The following PEX10 variants were observed in gnomAD, a reference collection of about 807,000 sequenced individuals.
PEX10 encodes the protein peroxisome biogenesis factor 10.
PEX10 carries 32 observed loss-of-function variants against 38.0 expected under a neutral mutation model. The ratio of observed to expected loss-of-function variants is 0.84; its 90% confidence interval spans 0.63 to 1.13. The LOEUF (loss-of-function observed/expected upper bound fraction) is 1.13, where lower values mean the gene tolerates loss of function less well. PEX10 is among the 50% of genes most tolerant of loss of function. PEX10 has a pLI of 0.00. For missense variants in PEX10, 483 were observed against 457.7 expected (o/e 1.06, Z -0.51); for synonymous variants, 206 against 207.3 (o/e 0.99, Z 0.05).
chr1:2,410,630 C>T lies in PEX10; in HGVS notation c.113-179G>A. 1 of 660,828 alleles carries T rather than the reference C, an allele frequency of 1.5e-6. No homozygotes were observed. The allele number at this position is 660,828 out of a possible 1,614,324, so 40.9% of individuals were successfully genotyped here. ...CTCCGGAGGCACCACCTTGACTTGC[C>T]TTAGCGTGAGCTGCAGACAGTCTGC... On this transcript the variant is annotated intron_variant, in intron 1 of 5. Transcript: ENST00000447513. The surrounding 1 kb of genome is among the most constrained non-coding windows in gnomAD (Gnocchi z 5.1).
At chr1:2,413,728 GA>G (rs1323323141), upstream of PEX10, 1 of 152,386 alleles carries the variant, frequency 6.6e-6, no homozygotes, top group Non-Finnish European at 1.5e-5. Context: ...GCGCCCCGCT[GA>G]CCTCAGTGGG....
Position 2,404,656 on chromosome 1 carries a change from A to C in PEX10, c.*1110T>G, listed in dbSNP as rs1215347336. On this transcript the variant is annotated 3_prime_UTR_variant, in exon 6 of 6. Coordinates refer to ENST00000447513, the MANE Select transcript of PEX10 (RefSeq NM_002617.4). Reference sequence around the variant, plus strand: ...ACAGGGTCATCCTCATTCCTAAGTAAGTCAAACAGCAAGACATGGTTTGCG... The same window carrying C: ...ACAGGGTCATCCTCATTCCTAAGTACGTCAAACAGCAAGACATGGTTTGCG... 6.6e-6 allele frequency: 1 copy of C among 152,252 alleles called. No homozygotes were observed. The highest frequency in any genetic ancestry group is 2.4e-5 in the African/African-American group (1 of 41,450). 9.4% of individuals were successfully genotyped at this position (152,252 alleles called of 1,614,324 possible).
At chr1:2,411,299 G>T (rs1643200826) in intron 1 of PEX10, among the ~76,000 whole-genome samples, 1 of 139,118 alleles carries the variant, frequency 7.2e-6, no homozygotes, top group African/African-American at 2.8e-5. Context: ...GCAGTGGCAC[G>T]ATCTTGGCTT....
upstream of PEX10, among the ~76,000 whole-genome samples, chr1:2,412,870 C>T (rs1643315901): frequency 6.6e-6 from 1 of 152,166 alleles, no homozygotes; most frequent in Admixed American, 6.5e-5. Context: ...TGCCAGGGGC[C>T]CCTGCTCTGC....
Position 2,408,436 on chromosome 1 carries a change from A to G in PEX10, c.600+16T>C, listed in dbSNP as rs1210581709. The G allele has an allele frequency of 1.2e-6, 2 of 1,612,616 alleles. No homozygotes were observed. Among genetic ancestry groups the G allele is most frequent in the Admixed American group, 1.7e-5 (1 of 60,020 alleles). ...GGACGGCCTAAGCAGCTGTGCCCTC[A>G]GCGCCTGCTACTTACGTACGTGATC... On this transcript the variant is annotated intron_variant, in intron 3 of 5. Coordinates refer to ENST00000447513, the MANE Select transcript of PEX10 (RefSeq NM_002617.4).
intron 3 of PEX10, among the ~76,000 whole-genome samples, chr1:2,407,579 C>G (rs888188591): frequency 6.6e-6 from 1 of 152,240 alleles, no homozygotes; most frequent in Non-Finnish European, 1.5e-5. Flanking sequence ...GCCCCTGTCA[C>G]AGCAGCTCAT....
intron 5 of PEX10, among the ~76,000 whole-genome samples, chr1:2,406,137 C>G (rs1642994589): frequency 1.3e-5 from 2 of 152,260 alleles, no homozygotes; most frequent in South Asian, 4.1e-4. Flanking sequence ...TCTCACCCTG[C>G]CGGCATCTTC....
chr1:2,409,509 T>A lies in PEX10; in HGVS notation c.194-651A>T, dbSNP rs1035368187. ...TCCACCCCCTCGCTGCCGCCCCTGC[T>A]CTGTACCACCACCATCCTGTGGGGG... On this transcript the variant is annotated intron_variant, in intron 2 of 5. Coordinates refer to ENST00000447513, the MANE Select transcript of PEX10 (RefSeq NM_002617.4). This position sits in a 1 kb window ranked among gnomAD's most constrained non-coding sequence, Gnocchi z 6.2. Among the ~76,000 whole-genome samples the A allele has an allele frequency of 2.0e-5, 3 of 152,086 alleles. No homozygotes were observed. The highest frequency in any genetic ancestry group is 4.4e-5 in the Non-Finnish European group (3 of 68,002).
chr1:2,407,558 C>G (rs1643051274), intron 3 of PEX10, among the ~76,000 whole-genome samples: 1 of 152,210 alleles, frequency 6.6e-6, no homozygotes, highest in African/African-American at 2.4e-5. Flanking sequence ...TGGTTTGAGC[C>G]CCACTTCCAT....
At chr1:2,407,794 C>T (rs868504507) in intron 3 of PEX10, among the ~76,000 whole-genome samples, 2 of 152,092 alleles carry the variant, frequency 1.3e-5, no homozygotes, top group Non-Finnish European at 2.9e-5. Context: ...GAAGGGGGTT[C>T]CTCAGAGGGC....
rs2100423258 is a variant in PEX10 at position 2,406,901 on chromosome 1, A to G, written c.601-6T>C. ...GGCAGGCTGCGGACACGGAGCTGTA[A>G]GGCAGATGGCGCCACACTCATCAGG... On this transcript the variant is annotated splice_region_variant and splice_polypyrimidine_tract_variant and intron_variant, in intron 3 of 5. Coordinates refer to ENST00000447513, the MANE Select transcript of PEX10 (RefSeq NM_002617.4). The G allele has an allele frequency of 1.2e-6, 2 of 1,607,774 alleles. No individual in the cohort carries two copies. The highest frequency in any genetic ancestry group is 1.3e-5 in the African/African-American group (1 of 74,950).
In PEX10 at chr1:2,410,950, C is replaced by T. The variant is rs2100436266; in HGVS notation, c.113-499G>A. On this transcript the variant is annotated intron_variant, in intron 1 of 5. Coordinates refer to ENST00000447513, the MANE Select transcript of PEX10 (RefSeq NM_002617.4). This position sits in a 1 kb window ranked among gnomAD's most constrained non-coding sequence, Gnocchi z 5.1. ...GGCACAGGGGTAAGTGCCAAGTGTA[C>T]TGTAAAACAAGTAAGTACACACACA... 1 of 445,542 alleles carries T rather than the reference C, an allele frequency of 2.2e-6. No individual in the cohort carries two copies. The highest frequency in any genetic ancestry group is 4.6e-6 in the Non-Finnish European group (1 of 219,664). The allele number at this position is 445,542 out of a possible 1,614,324, so 27.6% of individuals were successfully genotyped here.
Position 2,412,558 on chromosome 1 carries a change from G to C in PEX10, c.-56C>G. On this transcript the variant is annotated 5_prime_UTR_variant, in exon 1 of 6. Coordinates refer to ENST00000447513, the MANE Select transcript of PEX10 (RefSeq NM_002617.4). The stretch of plus-strand genomic sequence containing the variant: ...ACGCCGGCCACGCCCACGCCCAGAC[G>C]GGCGAGAACTGATGACGGCACGACG... 8.2e-7 allele frequency: 1 copy of C among 1,223,482 alleles called. No individual in the cohort carries two copies. The highest frequency in any genetic ancestry group is 1.6e-5 in the African/African-American group (1 of 62,836). The allele number at this position is 1,223,482 out of a possible 1,614,324, so 75.8% of individuals were successfully genotyped here.
At position 2,410,370 on chromosome 1, in the gene PEX10, C is replaced by A; in HGVS notation, c.193+1G>T. On this transcript the variant is annotated splice_donor_variant, in intron 2 of 5. Coordinates refer to ENST00000447513, the MANE Select transcript of PEX10 (RefSeq NM_002617.4). LOFTEE classifies it high-confidence loss of function. This position sits in a 1 kb window ranked among gnomAD's most constrained non-coding sequence, Gnocchi z 5.1. ...TCCTGAGGTCCCGTGGGAGCTTCTA[C>A]CTGCAAGTGTGGTGAGGCCAAAGTA... is the stretch of plus-strand genomic sequence containing the variant. 1 of 1,613,716 alleles carries A rather than the reference C, an allele frequency of 6.2e-7. No individual in the cohort carries two copies. The highest frequency in any genetic ancestry group is 8.5e-7 in the Non-Finnish European group (1 of 1,179,636).
chr1:2,411,874 CA>C (rs1379890795), intron 1 of PEX10, among the ~76,000 whole-genome samples: 6 of 152,206 alleles, frequency 3.9e-5, no homozygotes, highest in African/African-American at 1.4e-4. Flanking sequence ...GTGAGGCAGG[CA>C]GGGCCTGGCT....
Position 2,405,637 on chromosome 1 carries a change from T to G in PEX10, c.*129A>C. 5.8e-6 allele frequency: 5 copies of G among 861,414 alleles called. No homozygotes were observed. The South Asian group carries it at 7.2e-5, about 12-fold the overall frequency. 53.4% of individuals were successfully genotyped at this position (861,414 alleles called of 1,614,324 possible). On this transcript the variant is annotated 3_prime_UTR_variant, in exon 6 of 6. Coordinates refer to ENST00000447513, the MANE Select transcript of PEX10 (RefSeq NM_002617.4). ...CTGTTCTCTCCCAGGGTGGCTAGGT[T>G]AGTATCTTACATGACAAAAAACTGA...
Position 2,412,534 on chromosome 1 carries a change from C to T in PEX10, c.-32G>A, listed in dbSNP as rs898885788. 7.7e-7 allele frequency: 1 copy of T among 1,303,954 alleles called. No homozygotes were observed. The highest frequency in any genetic ancestry group is 2.1e-5 in the South Asian group (1 of 48,646). 80.8% of individuals were successfully genotyped at this position (1,303,954 alleles called of 1,614,324 possible). On this transcript the variant is annotated 5_prime_UTR_variant, in exon 1 of 6. The change creates a new upstream start codon in the 5' untranslated region. Transcript: ENST00000447513. Reference sequence around the variant, plus strand: ...GGGTTCGGGTGGTCCCGAGCAGCCACGCCGGCCACGCCCACGCCCAGACGG... The same window carrying T: ...GGGTTCGGGTGGTCCCGAGCAGCCATGCCGGCCACGCCCACGCCCAGACGG...
rs1202746249 is a variant in PEX10 at position 2,404,240 on chromosome 1, A to G, written c.*1526T>C. 6.6e-6 allele frequency: 1 copy of G among 152,192 alleles called. No homozygotes were observed. The allele number at this position is 152,192 out of a possible 1,614,324, so 9.4% of individuals were successfully genotyped here. On this transcript the variant is annotated 3_prime_UTR_variant, in exon 6 of 6. Transcript: ENST00000447513. ...CTTAGTGTCTGGATTTTCTTGTACC[A>G]GTGTTTACATATCTGACATCGAGCT...
rs758743429 is a variant in PEX10, at chr1:2,408,701, C to T, written c.351G>A (p.Leu117=). 3.7e-6 allele frequency: 6 copies of T among 1,613,366 alleles called. No individual in the cohort carries two copies. The highest frequency in any genetic ancestry group is 3.4e-6 in the Non-Finnish European group (4 of 1,179,822). The change falls in exon 3 of 6, where the codon CTG becomes CTA. Residue 117 remains leucine (L), a synonymous_variant. Transcript: ENST00000447513. The stretch of plus-strand genomic sequence containing the variant: ...GTCGCCCACTGTCGGGGTCAGCCTG[C>T]AGCTCCTGCTCCAGGGGGAGCAGGG... ...DKALLPLEQE[L]QADPDSGRPL... is the part of the protein sequence containing the mutation.
Sources: gnomAD v4.1 joint callset for allele counts (sites outside exome capture counted in the v4.1 genomes callset) on GRCh38, gnomAD v4.1.1 for gene constraint, Gnocchi (gnomAD v3.1) non-coding constraint, MANE v1.5 for transcripts, NCBI Gene and HGNC (gene_info 2026-07-23, HGNC 2026-07-21) for gene names.